REEP1: variants seen among roughly 807,000 people sequenced by gnomAD.
REEP1 encodes the protein receptor accessory protein 1.
Under a neutral mutation model 40.3 loss-of-function variants are expected in REEP1, and 22 were observed. The ratio of observed to expected loss-of-function variants is 0.55; its 90% CI spans 0.39 to 0.78. The LOEUF is 0.78. Among genes scored for constraint, REEP1 ranks in the 30% least tolerant of loss-of-function variants. The pLI is 0.00. For missense variants in REEP1, 280 were observed against 361.1 expected, an observed-to-expected ratio of 0.78 and a Z score of 1.82; for synonymous variants, 116 against 139.2, an observed-to-expected ratio of 0.83 and a Z score of 1.17.
At chr2:86,245,964 C>G (rs372939599) in intron 5 of REEP1, among the ~76,000 whole-genome samples, 3 of 152,172 alleles carry the variant, frequency 2.0e-5, no homozygotes, top group East Asian at 3.9e-4. Flanking sequence ...CGGGGTTTCA[C>G]CATGTTAGCC....
At chr2:86,267,358 G>A (rs1264616532) in intron 2 of REEP1, among the ~76,000 whole-genome samples, 3 of 152,094 alleles carry the variant, frequency 2.0e-5, no homozygotes, top group East Asian at 3.9e-4. Context: ...TGTGAAGAAG[G>A]TGCCTGCTTC....
intron 8 of REEP1, among the ~76,000 whole-genome samples, chr2:86,217,385 C>G (rs1277929326): frequency 6.6e-6 from 1 of 152,160 alleles, no homozygotes; most frequent in East Asian, 1.9e-4. Context: ...AATGACACAT[C>G]TTTCTTGTTT....
At chr2:86,220,233 T>G in intron 7 of REEP1, 112 bp from the exon 8 acceptor site, 1 of 604,314 alleles carries the variant, frequency 1.7e-6, no homozygotes, top group Non-Finnish European at 2.4e-6. Context: ...ACCAGGCCTG[T>G]GAGGACAGCT....
chr2:86,226,345 C>T (rs1674698388), intron 7 of REEP1, among the ~76,000 whole-genome samples: 1 of 151,958 alleles, frequency 6.6e-6, no homozygotes, highest in South Asian at 2.1e-4. Flanking sequence ...CCTTGGCTGC[C>T]CCAGGACCAG....
chr2:86,246,684 T>C (rs1242630181), intron 5 of REEP1, among the ~76,000 whole-genome samples: 3 of 147,336 alleles, frequency 2.0e-5, no homozygotes, highest in Non-Finnish European at 4.4e-5. Flanking sequence ...TTTTTCTTTC[T>C]CTCTTTCTTT....
In REEP1 at chr2:86,282,216, G is replaced by T. The variant is rs121918262; in HGVS notation, c.59C>A (p.Ala20Glu). Residue 20 changes from alanine to glutamate, a missense_variant, in exon 2 of 9, where the codon GCG becomes GAG. This residue lies in a region of REEP1 where 68 missense variants were observed against 83.7 expected (regional missense o/e 0.81). Transcript: ENST00000538924. ...TTTCACAGCCTTGTAGGAATAATAC[G>T]CAGGGTAAAGGGTGCCAAATATAAG... ...VVLIFGTLYP[A>E]YYSYKAVKSK... 4 of 1,608,982 alleles carry T rather than the reference G, an allele frequency of 2.5e-6. No individual in the cohort carries two copies. Among genetic ancestry groups the T allele is most frequent in the Non-Finnish European group, 3.4e-6 (4 of 1,175,420 alleles).
intron 1 of REEP1, among the ~76,000 whole-genome samples, chr2:86,326,234 C>A (rs1334936976): frequency 6.6e-6 from 1 of 152,160 alleles, no homozygotes; most frequent in Non-Finnish European, 1.5e-5. Context: ...ATCTTTATAT[C>A]CCTGGTGGCT....
intron 5 of REEP1, among the ~76,000 whole-genome samples, chr2:86,235,707 A>G (rs534557363): frequency 6.6e-6 from 1 of 152,326 alleles, no homozygotes; most frequent in East Asian, 1.9e-4. Flanking sequence ...GGCATCGTAC[A>G]CGTTCATTTT....
At chr2:86,324,876 A>G (rs1002835069) in intron 1 of REEP1, among the ~76,000 whole-genome samples, 2 of 152,188 alleles carry the variant, frequency 1.3e-5, no homozygotes, top group African/African-American at 4.8e-5. Context: ...AGAACAACCT[A>G]AACATTCATC....
At chr2:86,226,075 T>TCACCACCATCACCACCACCAC (rs1674665883) in intron 7 of REEP1, among the ~76,000 whole-genome samples, 21 of 111,884 alleles carry the variant, frequency 1.9e-4, no homozygotes, top group Non-Finnish European at 3.6e-4. Context: ...CTCCAGGCTA[T>TCACCACCATCACCACCACCAC]CACCACCACC....
chr2:86,299,821 A>T (rs1280222782), intron 1 of REEP1, among the ~76,000 whole-genome samples: 2 of 152,218 alleles, frequency 1.3e-5, no homozygotes, highest in African/African-American at 4.8e-5. Flanking sequence ...ATTTTAAAAT[A>T]TGTAAAAAAT....
intron 1 of REEP1, among the ~76,000 whole-genome samples, chr2:86,289,280 G>T (rs1678570657): frequency 6.6e-6 from 1 of 151,978 alleles, no homozygotes; most frequent in Non-Finnish European, 1.5e-5. Context: ...GATCCCAATT[G>T]TCCCATCCCA....
intron 3 of REEP1, among the ~76,000 whole-genome samples, chr2:86,257,469 C>T (rs374281881): frequency 8.5e-5 from 13 of 152,096 alleles, no homozygotes; most frequent in South Asian, 2.1e-4. Context: ...TAGACTAGGG[C>T]GAGGGATACA....
At chr2:86,328,592 T>C (rs1417952681) in intron 1 of REEP1, among the ~76,000 whole-genome samples, 2 of 152,142 alleles carry the variant, frequency 1.3e-5, no homozygotes, top group Non-Finnish European at 2.9e-5. Context: ...GGCAGGGGAA[T>C]TGCTTGAACC....
intron 1 of REEP1, among the ~76,000 whole-genome samples, chr2:86,312,918 C>T (rs947358142): frequency 1.3e-5 from 2 of 152,196 alleles, no homozygotes; most frequent in Non-Finnish European, 2.9e-5. Context: ...TAGCAGCACA[C>T]TGCCAATGAC....
chr2:86,304,744 C>T (rs1410621413), intron 1 of REEP1, among the ~76,000 whole-genome samples: 2 of 152,222 alleles, frequency 1.3e-5, no homozygotes, highest in Admixed American at 1.3e-4. Context: ...CCTGGGCACC[C>T]ACCACAGGAC....
intron 1 of REEP1, among the ~76,000 whole-genome samples, chr2:86,331,676 C>A (rs181643417): frequency 2.6e-5 from 4 of 152,150 alleles, no homozygotes; most frequent in African/African-American, 9.6e-5. Flanking sequence ...ACTGACAAGG[C>A]CACGGGGAGA....
intron 3 of REEP1, 56 bp downstream of exon 3, chr2:86,263,909 T>G (rs1676997671): frequency 1.5e-6 from 2 of 1,355,162 alleles, no homozygotes; most frequent in African/African-American, 2.9e-5. Context: ...CACCTCCCCC[T>G]GAGTGACACT....
In REEP1 at chr2:86,216,787, A is replaced by AC. The variant is rs1479296211; in HGVS notation, c.*251dup. The AC allele has an allele frequency of 6.4e-6, 3 of 469,572 alleles. No individual in the cohort carries two copies. The highest frequency in any genetic ancestry group is 1.2e-5 in the Non-Finnish European group (3 of 257,808). The allele number at this position is 469,572 out of a possible 1,614,324, so 29.1% of individuals were successfully genotyped here. A position where few individuals can be genotyped will look rare whatever the true frequency, so the allele number is the denominator to read the frequency against. On this transcript the variant is annotated 3_prime_UTR_variant, in exon 9 of 9. Transcript: ENST00000538924. The stretch of plus-strand genomic sequence containing the variant: ...AATGACAATCCAATTGTGGAAAATT[A>AC]CCAACCTCAGAAGACTTAAAGGTCA...
Sources: gnomAD v4.1 joint callset for allele counts (sites outside exome capture counted in the v4.1 genomes callset) on GRCh38, gnomAD v4.1.1 for gene constraint, gnomAD v4.1.1 regional missense constraint, MANE v1.5 for transcripts, NCBI Gene and HGNC (gene_info 2026-07-23, HGNC 2026-07-21) for gene names.